Variants in RELB observed in about 807,000 individuals in gnomAD.
RELB encodes the protein transcription factor RelB.
Under a neutral mutation model 55.4 loss-of-function variants are expected in RELB, and 14 were observed. That is an observed-to-expected ratio of 0.25 (90% CI 0.17 to 0.40). The LOEUF is 0.40. RELB is among the 10% of genes least tolerant of loss of function. The probability of loss-of-function intolerance (pLI) is 1.00; values close to 1 mark genes in which losing one functional copy is unlikely to be tolerated. For missense variants in RELB, 669 were observed against 830.7 expected, an observed-to-expected ratio of 0.81 and a Z score of 2.39; for synonymous variants, 409 against 371.3, an observed-to-expected ratio of 1.10 and a Z score of -1.17.
Position 45,011,079 on chromosome 19 carries a change from T to C in RELB, c.164-857T>C, listed in dbSNP as rs1971344899. 3.9e-5 allele frequency among the ~76,000 whole-genome samples: 6 copies of C among 152,344 alleles called. No individual in the cohort carries two copies. The South Asian group carries it at 1.2e-3, about 32-fold the overall frequency. On this transcript the variant is annotated intron_variant, in intron 3 of 11. Transcript: ENST00000221452. ...GTTCGCCAGGCAGGTCTCAAACTCCTGACCTCAGGTGATCCGCCTGCCTCG... is the reference window on the plus strand; with the variant it reads ...GTTCGCCAGGCAGGTCTCAAACTCCCGACCTCAGGTGATCCGCCTGCCTCG...
At chr19:45,032,040 A>T (rs1379267073) in intron 8 of RELB, among the ~76,000 whole-genome samples, 2 of 151,230 alleles carry the variant, frequency 1.3e-5, no homozygotes, top group Admixed American at 6.6e-5. Flanking sequence ...GAGCGAGACC[A>T]TCCTGGCCAA....
intron 5 of RELB, among the ~76,000 whole-genome samples, chr19:45,023,050 G>T (rs537916601): frequency 6.6e-6 from 1 of 152,122 alleles, no homozygotes; most frequent in Non-Finnish European, 1.5e-5. Flanking sequence ...CAGAGGTAGG[G>T]CTGAGTATTG....
At chr19:45,024,352 C>T (rs1175028922) in intron 5 of RELB, among the ~76,000 whole-genome samples, 4 of 151,174 alleles carry the variant, frequency 2.6e-5, no homozygotes, top group African/African-American at 9.7e-5. Context: ...TTAGTAGAGG[C>T]GGGGTTTCAC....
chr19:45,017,455 A>AAAAAAAAAG (rs1971433359), intron 4 of RELB, among the ~76,000 whole-genome samples: 1 of 151,340 alleles, frequency 6.6e-6, no homozygotes, highest in African/African-American at 2.4e-5. Flanking sequence ...TGTCTAAAAA[A>AAAAAAAAAG]AAAAAAAACA....
chr19:45,023,439 T>TCCGTC (rs1173070138), intron 5 of RELB, among the ~76,000 whole-genome samples: 1 of 151,498 alleles, frequency 6.6e-6, no homozygotes, highest in African/African-American at 2.4e-5. Context: ...CTTCCGTCCT[T>TCCGTC]CTTTCTTTCT....
intron 3 of RELB, 45 bp downstream of exon 3, chr19:45,009,867 G>A (rs1386520092): frequency 1.3e-6 from 2 of 1,578,968 alleles, no homozygotes; most frequent in Non-Finnish European, 8.6e-7. Flanking sequence ...AGGGACCCAA[G>A]TGCCTACAGA....
Position 45,001,505 on chromosome 19 carries a change from A to T in RELB, c.-75A>T. Reference sequence around the variant, plus strand: ...CGCGTCCTGCCCGGCCTGCGGCCCCAGCCCTTGCGCCGCTCGTCCGACCCG... The same window carrying T: ...CGCGTCCTGCCCGGCCTGCGGCCCCTGCCCTTGCGCCGCTCGTCCGACCCG... On this transcript the variant is annotated 5_prime_UTR_variant, in exon 1 of 12. Transcript: ENST00000221452. 1 of 724,812 alleles carries T rather than the reference A, an allele frequency of 1.4e-6. No individual in the cohort carries two copies. Among genetic ancestry groups the T allele is most frequent in the Non-Finnish European group, 1.9e-6 (1 of 532,558 alleles). The allele number at this position is 724,812 out of a possible 1,614,324, so 44.9% of individuals were successfully genotyped here. A position where few individuals can be genotyped will look rare whatever the true frequency, so the allele number is the denominator to read the frequency against.
chr19:45,024,743 C>G (rs1291534261), intron 5 of RELB, among the ~76,000 whole-genome samples: 1 of 150,856 alleles, frequency 6.6e-6, no homozygotes, highest in African/African-American at 2.4e-5. Flanking sequence ...AGAGACAGGG[C>G]TTCACCATGC....
chr19:45,011,496 G>A (rs936145593), intron 3 of RELB, among the ~76,000 whole-genome samples: 2 of 151,758 alleles, frequency 1.3e-5, no homozygotes, highest in Admixed American at 6.6e-5. Context: ...TCACTCTGTC[G>A]CCCAGGCTGG....
In RELB at chr19:45,037,520, C is replaced by G. The variant is rs749950465; in HGVS notation, c.1470C>G (p.Ala490=). Residue 490 remains alanine (A), a synonymous_variant, in exon 12 of 12, where the codon GCC becomes GCG. Transcript: ENST00000221452. ...CTGACCTCCTGGACGATGGCTTTGC[C>G]TACGACCCTACGGCCCCCACACTCT... is the stretch of plus-strand genomic sequence containing the variant. The part of the protein sequence containing the change: ...GGPDLLDDGF[A]YDPTAPTLFT... 7.4e-6 allele frequency: 12 copies of G among 1,613,404 alleles called. No individual in the cohort carries two copies. Among genetic ancestry groups the G allele is most frequent in the Non-Finnish European group, 8.5e-6 (10 of 1,179,778 alleles).
intron 5 of RELB, among the ~76,000 whole-genome samples, chr19:45,022,663 C>T (rs34964177): frequency 0.053 from 8,021 of 151,632 alleles, 312 homozygotes; most frequent in Non-Finnish European, 0.077. Flanking sequence ...TTCTCCTGCC[C>T]CAGACTCCCG....
At chr19:45,011,293 G>A (rs1046494544) in intron 3 of RELB, among the ~76,000 whole-genome samples, 1 of 152,192 alleles carries the variant, frequency 6.6e-6, no homozygotes, top group East Asian at 1.9e-4. Context: ...CTCCTGAGTT[G>A]CTGGGACTAC....
In RELB at chr19:45,031,818, C is replaced by T. The variant is rs12974089; in HGVS notation, c.992-716C>T. Among the ~76,000 whole-genome samples, 38 of 150,612 alleles carry T rather than the reference C, an allele frequency of 2.5e-4. 1 individual carries two copies. In the East Asian group the frequency reaches 6.5e-3, roughly 26 times the overall value. On this transcript the variant is annotated intron_variant, in intron 8 of 11. Transcript: ENST00000221452. ...GTCTCGATCTCCTGACCTCGTGATCCGCCTGCCTCGGCCTCCCAAAGTGCT... is the reference window on the plus strand; with the variant it reads ...GTCTCGATCTCCTGACCTCGTGATCTGCCTGCCTCGGCCTCCCAAAGTGCT...
chr19:45,016,351 A>G (rs925191886), intron 4 of RELB, among the ~76,000 whole-genome samples: 6 of 152,198 alleles, frequency 3.9e-5, no homozygotes, highest in African/African-American at 1.4e-4. Flanking sequence ...TACAGCATAT[A>G]TAATCACATT....
chr19:45,034,571 A>G, intron 11 of RELB, 43 bp downstream of exon 11: 2 of 1,536,012 alleles, frequency 1.3e-6, no homozygotes, highest in Non-Finnish European at 1.8e-6. Flanking sequence ...CTGGGTGGGC[A>G]GAGGGTAAGT....
intron 8 of RELB, among the ~76,000 whole-genome samples, chr19:45,031,640 A>G (rs1971622588): frequency 6.6e-6 from 1 of 151,752 alleles, no homozygotes; most frequent in African/African-American, 2.4e-5. Flanking sequence ...CAGTGGTGCG[A>G]TCTTGGCTCA....
chr19:45,028,629 C>A lies in RELB; in HGVS notation c.887-259C>A, dbSNP rs143221158. ...GATTACAGGCGTGAGCCACCATGCC[C>A]GGCAAAAGATCTTCGTTTTGGACAG... On this transcript the variant is annotated intron_variant, in intron 7 of 11. Transcript: ENST00000221452. Among the ~76,000 whole-genome samples the A allele has an allele frequency of 1.7e-3, 266 of 152,242 alleles. 3 individuals are homozygous for A. Among genetic ancestry groups the A allele is most frequent in the Admixed American group, 3.3e-3 (51 of 15,276 alleles).
In RELB at chr19:45,011,795, TGTGAGAGAGA is replaced by T. The variant is rs1446369766; in HGVS notation, c.164-139_164-130del. On this transcript the variant is annotated intron_variant, in intron 3 of 11. Coordinates refer to ENST00000221452, the MANE Select transcript of RELB (RefSeq NM_006509.4). ...GTGTGTGTGTGTGTGTGTGTGTGTGTGTGAGAGAGAGAGAGAGAGAGAGAGAGAGAGAGAG... is the reference window on the plus strand; with the variant it reads ...GTGTGTGTGTGTGTGTGTGTGTGTGTGAGAGAGAGAGAGAGAGAGAGAGAG... 3.8e-4 allele frequency: 75 copies of T among 199,876 alleles called. No homozygotes were observed. In the African/African-American group the frequency reaches 4.5e-3, roughly 12 times the overall value. The allele number at this position is 199,876 out of a possible 1,614,324, so 12.4% of individuals were successfully genotyped here. A position where few individuals can be genotyped will look rare whatever the true frequency, so the allele number is the denominator to read the frequency against.
In RELB at chr19:45,012,079, ACGC is replaced by A; in HGVS notation, c.315_317del (p.Pro106del). ...CCTGGGCCCTGTGGCGCCCCCAGCC[ACGC>A]CGCCGCCTTGGGGCTGCCCCCTGGG... On this transcript the variant is annotated inframe_deletion, in exon 4 of 12. Coordinates refer to ENST00000221452, the MANE Select transcript of RELB (RefSeq NM_006509.4). 1 of 1,549,158 alleles carries A rather than the reference ACGC, an allele frequency of 6.5e-7. No individual in the cohort carries two copies. Among genetic ancestry groups the A allele is most frequent in the Non-Finnish European group, 8.7e-7 (1 of 1,152,776 alleles).
Sources: allele counts gnomAD v4.1 joint callset (sites outside exome capture counted in the v4.1 genomes callset), GRCh38; gene constraint gnomAD v4.1.1; transcripts MANE v1.5; gene names NCBI Gene and HGNC (gene_info 2026-07-23, HGNC 2026-07-21).